The following GOSR1 variants were observed in gnomAD, a reference collection of about 807,000 sequenced individuals.
The protein encoded by GOSR1 is 28 kDa Golgi SNARE protein.
In GOSR1, 21 loss-of-function variants were observed where a neutral mutation model predicts 35.5. That is an observed-to-expected ratio of 0.59 (90% CI 0.42 to 0.85). GOSR1 has a LOEUF of 0.85. Ranked by LOEUF, GOSR1 falls within the 40% of genes least tolerant of loss-of-function variation. The probability of loss-of-function intolerance (pLI) is 0.00; values close to 1 mark genes in which losing one functional copy is unlikely to be tolerated. For missense variants in GOSR1, 285 were observed against 309.6 expected (o/e 0.92, Z 0.60); for synonymous variants, 94 against 106.6 (o/e 0.88, Z 0.73).
chr17:30,478,963 T>C (rs1011227585), intron 1 of GOSR1: 2 of 152,236 alleles, frequency 1.3e-5, no homozygotes, highest in African/African-American at 2.4e-5. Flanking sequence ...AGCGGCTCAT[T>C]ACTGACAACC....
chr17:30,499,427 C>A (rs1967120428), intron 6 of GOSR1, among the ~76,000 whole-genome samples: 1 of 150,864 alleles, frequency 6.6e-6, no homozygotes, highest in Admixed American at 6.6e-5. Context: ...CTGCAACCTC[C>A]ACCTCCTGGG....
intron 6 of GOSR1, among the ~76,000 whole-genome samples, chr17:30,501,755 A>G (rs753920887): frequency 2.5e-4 from 38 of 152,256 alleles, no homozygotes; most frequent in Non-Finnish European, 4.4e-4. Flanking sequence ...TGGCCTCCCA[A>G]AGTTCTGGGA....
intron 2 of GOSR1, 60 bp from the exon 3 acceptor site, chr17:30,484,154 A>T (rs1597757235): frequency 1.2e-6 from 1 of 837,878 alleles, no homozygotes; most frequent in African/African-American, 1.7e-5. Flanking sequence ...TTATTATTTT[A>T]AGTATGTTTT....
At chr17:30,520,113 A>G (rs1411616784) in intron 8 of GOSR1, 92 bp downstream of exon 8, 2 of 779,840 alleles carry the variant, frequency 2.6e-6, no homozygotes, top group Non-Finnish European at 4.6e-6. Context: ...TGCCATCATC[A>G]GTAGCAGTAG....
intron 7 of GOSR1, 161 bp from the exon 8 acceptor site, chr17:30,519,778 T>C: frequency 3.5e-6 from 2 of 564,786 alleles, no homozygotes; most frequent in Non-Finnish European, 6.3e-6. Flanking sequence ...AAAAGCGCAG[T>C]GGTAAAGTGG....
At chr17:30,508,152 A>T (rs540441258) in intron 6 of GOSR1, among the ~76,000 whole-genome samples, 18 of 152,302 alleles carry the variant, frequency 1.2e-4, no homozygotes, top group African/African-American at 3.4e-4. Flanking sequence ...TTAGGATAGG[A>T]CGTGGCTCAT....
At chr17:30,496,228 A>G (rs573307557) in intron 6 of GOSR1, among the ~76,000 whole-genome samples, 57 of 152,116 alleles carry the variant, frequency 3.7e-4, no homozygotes, top group Non-Finnish European at 7.1e-4. Flanking sequence ...CTCTTCAGCC[A>G]TCCGGTACAC....
chr17:30,478,092 C>G (rs535140701), intron 1 of GOSR1: 4 of 232,554 alleles, frequency 1.7e-5, no homozygotes, highest in African/African-American at 9.3e-5. Flanking sequence ...GTTGAGAGAA[C>G]CTGTGTGAAT....
chr17:30,484,091 C>A, intron 2 of GOSR1, 123 bp from the exon 3 acceptor site: 1 of 591,748 alleles, frequency 1.7e-6, no homozygotes. Flanking sequence ...TCGTTTCTCA[C>A]AGACCCTATA....
intron 6 of GOSR1, among the ~76,000 whole-genome samples, chr17:30,505,213 A>G (rs1319863238): frequency 6.6e-6 from 1 of 152,126 alleles, no homozygotes; most frequent in Non-Finnish European, 1.5e-5. Context: ...TTTTGAGTTA[A>G]TTATAGATTT....
At chr17:30,485,418 C>G (rs747855912) in intron 4 of GOSR1, among the ~76,000 whole-genome samples, 4 of 152,124 alleles carry the variant, frequency 2.6e-5, no homozygotes, top group Non-Finnish European at 5.9e-5. Context: ...AAGCACATGC[C>G]ACCACGCCTG....
intron 6 of GOSR1, among the ~76,000 whole-genome samples, chr17:30,494,192 A>AACAC (rs143873080): frequency 0.017 from 2,538 of 150,492 alleles, 57 homozygotes; most frequent in African/African-American, 0.05. Flanking sequence ...GCCATACTTA[A>AACAC]ACACACACAC....
At chr17:30,491,089 G>A (rs2143690788) in intron 5 of GOSR1, among the ~76,000 whole-genome samples, 1 of 152,264 alleles carries the variant, frequency 6.6e-6, no homozygotes, top group East Asian at 1.9e-4. Context: ...CAGTAAGATT[G>A]TTGTAATATT....
At chr17:30,510,145 C>T (rs1029328515) in intron 6 of GOSR1, among the ~76,000 whole-genome samples, 1 of 152,108 alleles carries the variant, frequency 6.6e-6, no homozygotes, top group Non-Finnish European at 1.5e-5. Flanking sequence ...ATGATTTCGG[C>T]TCACTGCAAC....
chr17:30,499,445 C>T (rs1257084072), intron 6 of GOSR1, among the ~76,000 whole-genome samples: 1 of 150,514 alleles, frequency 6.6e-6, no homozygotes, highest in Non-Finnish European at 1.5e-5. Flanking sequence ...GGGTTCATGA[C>T]ATTCTCCTGC....
At chr17:30,515,385 A>T (rs1324587284) in intron 7 of GOSR1, among the ~76,000 whole-genome samples, 1 of 151,058 alleles carries the variant, frequency 6.6e-6, no homozygotes, top group Non-Finnish European at 1.5e-5. Context: ...TCCTGTGAGC[A>T]TAGGGTGGTG....
At chr17:30,487,441 C>T (rs1471231553) in intron 4 of GOSR1, among the ~76,000 whole-genome samples, 1 of 151,922 alleles carries the variant, frequency 6.6e-6, no homozygotes, top group Non-Finnish European at 1.5e-5. Context: ...AATTTGCTTA[C>T]TACACAGAGA....
intron 1 of GOSR1, chr17:30,478,949 T>C (rs1252101951): frequency 6.6e-6 from 1 of 152,222 alleles, no homozygotes; most frequent in Non-Finnish European, 1.5e-5. Flanking sequence ...TGCTATAATA[T>C]TACAGCGGCT....
rs943464122 is a variant in GOSR1, at chr17:30,526,133, A to G, written c.*3755A>G. On this transcript the variant is annotated 3_prime_UTR_variant, in exon 9 of 9. Transcript: ENST00000451249. ...TCTCTCCTTTTTTGCTGTCCTCCTT[A>G]CGGACCAGTTACCAGATTCAGAGGC... The G allele has an allele frequency of 3.3e-5, 5 of 152,200 alleles. No individual in the cohort carries two copies. Among genetic ancestry groups the G allele is most frequent in the Non-Finnish European group, 7.3e-5 (5 of 68,030 alleles). 9.4% of individuals were successfully genotyped at this position (152,200 alleles called of 1,614,324 possible).
Sources: allele counts gnomAD v4.1 joint callset (sites outside exome capture counted in the v4.1 genomes callset), GRCh38; gene constraint gnomAD v4.1.1; transcripts MANE v1.5; gene names NCBI Gene and HGNC (gene_info 2026-07-23, HGNC 2026-07-21).